KRAS: variants seen among roughly 807,000 people sequenced by gnomAD.
The protein encoded by KRAS is KRas proto-oncogene, GTPase.
In KRAS, 1 loss-of-function variant was observed where a neutral mutation model predicts 21.0. The observed-to-expected ratio is 0.05, with a 90% CI of 0.02 to 0.23. The LOEUF (loss-of-function observed/expected upper bound fraction) is 0.23. Among genes scored for constraint, KRAS ranks in the 10% least tolerant of loss-of-function variants. The pLI is 1.00. For missense variants in KRAS, 107 were observed against 221.8 expected, an observed-to-expected ratio of 0.48 and a Z score of 3.29; for synonymous variants, 67 against 72.5, an observed-to-expected ratio of 0.92 and a Z score of 0.39.
At chr12:25,225,926 T>C (rs1440694486) in intron 3 of KRAS, among the ~76,000 whole-genome samples, 153 bp from the exon 4 acceptor site, 2 of 151,798 alleles carry the variant, frequency 1.3e-5, no homozygotes, top group Admixed American at 6.5e-5. Flanking sequence ...TTCTACTAGT[T>C]ATTTTGTTTC....
intron 4 of KRAS, among the ~76,000 whole-genome samples, chr12:25,214,866 G>A (rs1334867679): frequency 6.6e-6 from 1 of 152,082 alleles, no homozygotes; most frequent in Non-Finnish European, 1.5e-5. Context: ...TCCAAACCAG[G>A]GGGAAAAGAG....
chr12:25,234,011 G>GC (rs1951511875), intron 2 of KRAS: 1 of 190,766 alleles, frequency 5.2e-6, no homozygotes, highest in Admixed American at 6.1e-5. Context: ...GTGTGCAAAG[G>GC]CAGATTTTTT....
intron 3 of KRAS, 23 bp downstream of exon 3, chr12:25,227,208 GCTT>G (rs1951404746): frequency 6.5e-7 from 1 of 1,537,922 alleles, no homozygotes; most frequent in Admixed American, 1.7e-5. Flanking sequence ...CTTAATGTCA[GCTT>G]ATTATATTCA....
chr12:25,233,166 A>G (rs926195590), intron 2 of KRAS, among the ~76,000 whole-genome samples: 1 of 152,134 alleles, frequency 6.6e-6, no homozygotes, highest in African/African-American at 2.4e-5. Context: ...ATTTTGTCTC[A>G]GGCAATCTGC....
intron 3 of KRAS, 122 bp downstream of exon 3, chr12:25,227,112 C>T (rs1344865961): frequency 1.6e-6 from 1 of 634,998 alleles, no homozygotes; most frequent in East Asian, 2.9e-5. Context: ...ATATTACCTA[C>T]CTCATAAACA....
chr12:25,227,470 G>C (rs1247432805), intron 2 of KRAS, 58 bp from the exon 3 acceptor site: 2 of 1,515,780 alleles, frequency 1.3e-6, no homozygotes, highest in Non-Finnish European at 9.1e-7. Context: ...TTCAAAAAAG[G>C]TGTTATATAC....
At chr12:25,227,535 T>C (rs935932740) in intron 2 of KRAS, 123 bp from the exon 3 acceptor site, 3 of 812,892 alleles carry the variant, frequency 3.7e-6, no homozygotes, top group African/African-American at 3.4e-5. Flanking sequence ...GAAAAGACAT[T>C]GTTCCTGCTC....
Position 25,209,539 on chromosome 12 carries a change from A to T in KRAS, c.*256T>A. ...AACTGCATGCACCAAAAGCCCCAAGACAGAAATCTTAGGTATTCAGTTTCT... is the reference window on the plus strand; with the variant it reads ...AACTGCATGCACCAAAAGCCCCAAGTCAGAAATCTTAGGTATTCAGTTTCT... On this transcript the variant is annotated 3_prime_UTR_variant, in exon 5 of 5. Coordinates refer to ENST00000311936, the MANE Select transcript of KRAS (RefSeq NM_004985.5). The T allele has an allele frequency of 7.5e-7, 1 of 1,327,440 alleles. No homozygotes were observed. The highest frequency in any genetic ancestry group is 9.6e-7 in the Non-Finnish European group (1 of 1,042,576). The allele number at this position is 1,327,440 out of a possible 1,614,324, so 82.2% of individuals were successfully genotyped here.
In KRAS at chr12:25,244,166, G is replaced by A. The variant is rs1468735864; in HGVS notation, c.111+1108C>T. Among the ~76,000 whole-genome samples, 11 of 152,292 alleles carry A rather than the reference G, an allele frequency of 7.2e-5. No homozygotes were observed. In the South Asian group the frequency reaches 1.5e-3, roughly 20 times the overall value. The stretch of plus-strand genomic sequence containing the variant: ...TTCAAGACACTACACAGTACAGTAC[G>A]TTAATAAGGCACTTTGACCTGTTCT... On this transcript the variant is annotated intron_variant, in intron 2 of 4. Transcript: ENST00000311936.
chr12:25,244,312 A>C (rs1051839640), intron 2 of KRAS, among the ~76,000 whole-genome samples: 1 of 152,234 alleles, frequency 6.6e-6, no homozygotes, highest in Non-Finnish European at 1.5e-5. Context: ...ACCCAGGGTA[A>C]AGAAGCCTAA....
At chr12:25,236,161 AG>A (rs1489196228) in intron 2 of KRAS, among the ~76,000 whole-genome samples, 18 of 152,108 alleles carry the variant, frequency 1.2e-4, no homozygotes, top group African/African-American at 4.3e-4. Flanking sequence ...TGGACAATCA[AG>A]CAGGGGCCAG....
intron 4 of KRAS, among the ~76,000 whole-genome samples, chr12:25,221,570 G>A (rs1032943813): frequency 2.0e-5 from 3 of 151,734 alleles, no homozygotes; most frequent in African/African-American, 4.8e-5. Context: ...AGCTAACAAC[G>A]ATTTTTGCAT....
At chr12:25,224,782 A>G (rs1174492803) in intron 4 of KRAS, among the ~76,000 whole-genome samples, 1 of 152,148 alleles carries the variant, frequency 6.6e-6, no homozygotes, top group Non-Finnish European at 1.5e-5. Context: ...ATAGTAGGTT[A>G]TACTACCAAG....
In KRAS at chr12:25,207,101, G is replaced by A. The variant is rs886049185; in HGVS notation, c.*2694C>T. 6.1e-5 allele frequency: 13 copies of A among 212,600 alleles called. No homozygotes were observed. The highest frequency in any genetic ancestry group is 3.7e-4 in the South Asian group (2 of 5,376). The allele number at this position is 212,600 out of a possible 1,614,324, so 13.2% of individuals were successfully genotyped here. On this transcript the variant is annotated 3_prime_UTR_variant, in exon 5 of 5. Transcript: ENST00000311936. ...ATACGCATCGTGTTATCTCTGGGTC[G>A]TATACCAAAGGCCTTAGTAAGATAT...
intron 4 of KRAS, among the ~76,000 whole-genome samples, chr12:25,221,977 G>A (rs984662019): frequency 1.3e-5 from 2 of 151,864 alleles, no homozygotes; most frequent in Admixed American, 6.6e-5. Flanking sequence ...AGTGAAACCC[G>A]TCTCTACTAA....
At chr12:25,231,576 G>A (rs541338390) in intron 2 of KRAS, among the ~76,000 whole-genome samples, 3 of 152,098 alleles carry the variant, frequency 2.0e-5, no homozygotes, top group African/African-American at 7.2e-5. Context: ...CCGAGAAACT[G>A]GGAAAGCAGT....
intron 1 of KRAS, among the ~76,000 whole-genome samples, chr12:25,249,215 T>C (rs1175651475): frequency 6.6e-6 from 1 of 152,184 alleles, no homozygotes; most frequent in Middle Eastern, 3.4e-3. Context: ...ACCAACATGG[T>C]GAAACCCCCG....
chr12:25,236,224 T>C (rs1011137369), intron 2 of KRAS, among the ~76,000 whole-genome samples: 5 of 152,110 alleles, frequency 3.3e-5, no homozygotes, highest in South Asian at 2.1e-4. Flanking sequence ...CTTCATCCTA[T>C]ACAAAATCAC....
chr12:25,245,225 T>C (rs1451397094), intron 2 of KRAS, 49 bp downstream of exon 2: 1 of 1,551,310 alleles, frequency 6.4e-7, no homozygotes, highest in Non-Finnish European at 8.8e-7. Context: ...TTTATCTGTA[T>C]CAAAGAATGG....
Sources: gnomAD v4.1 joint callset for allele counts (sites outside exome capture counted in the v4.1 genomes callset) on GRCh38, gnomAD v4.1.1 for gene constraint, MANE v1.5 for transcripts, NCBI Gene and HGNC (gene_info 2026-07-23, HGNC 2026-07-21) for gene names.